Variants in CYP4A11 observed in about 807,000 individuals in gnomAD.
The protein encoded by CYP4A11 is cytochrome P450 4A11.
In CYP4A11, 52 loss-of-function variants were observed where a neutral mutation model predicts 57.7. The observed-to-expected ratio is 0.90, with a 90% confidence interval of 0.72 to 1.14. The LOEUF is 1.14. Among genes scored for constraint, CYP4A11 ranks in the 50% most tolerant of loss-of-function variants. CYP4A11 has a pLI of 0.00. For missense variants in CYP4A11, 641 were observed against 642.1 expected, an observed-to-expected ratio of 1.00 and a Z score of 0.02; for synonymous variants, 228 against 247.1, an observed-to-expected ratio of 0.92 and a Z score of 0.72.
intron 4 of CYP4A11, 122 bp from the exon 5 acceptor site, chr1:46,935,769 G>T: frequency 6.6e-7 from 1 of 1,523,082 alleles, no homozygotes; most frequent in Non-Finnish European, 8.8e-7. Flanking sequence ...TATCTTGGTT[G>T]GGATTCCTCA....
chr1:46,938,408 C>T (rs1299887463), intron 1 of CYP4A11, among the ~76,000 whole-genome samples: 2 of 152,162 alleles, frequency 1.3e-5, no homozygotes, highest in Non-Finnish European at 1.5e-5. Flanking sequence ...ATAAATACAA[C>T]AATTTCCATG....
chr1:46,940,730 C>G, intron 1 of CYP4A11: 2 of 985,424 alleles, frequency 2.0e-6, no homozygotes, highest in Non-Finnish European at 1.2e-6. Flanking sequence ...CAGATATCCA[C>G]CCCAGCAGAG....
Position 46,941,372 on chromosome 1 carries a change from G to A in CYP4A11, c.62C>T (p.Ala21Val), listed in dbSNP as rs143389976. Residue 21 changes from alanine to valine, a missense_variant, in exon 1 of 12, where the codon GCG (alanine) becomes GTG (valine). By Grantham distance (64) the Ala-to-Val change is moderately conservative. Coordinates refer to ENST00000310638, the MANE Select transcript of CYP4A11 (RefSeq NM_000778.4). ...CAGAAGCAGAATGAGCAGGGAGGCC[G>A]CTTGGAGGATTCCAGAGACATCACC... ...LLGDVSGILQAASLLILLLLL... is the reference protein window; with the variant it reads ...LLGDVSGILQVASLLILLLLL... The A allele has an allele frequency of 4.2e-5, 67 of 1,613,278 alleles. 3 individuals are homozygous for A. The highest frequency in any genetic ancestry group is 3.4e-4 in the East Asian group (15 of 43,968).
intron 9 of CYP4A11, among the ~76,000 whole-genome samples, chr1:46,933,376 G>C (rs1470924535): frequency 6.6e-6 from 1 of 152,140 alleles, no homozygotes; most frequent in African/African-American, 2.4e-5. Flanking sequence ...GTACAACAAC[G>C]CTCCAAGTAA....
chr1:46,933,812 C>G (rs991578685), intron 9 of CYP4A11, 134 bp downstream of exon 9: 1 of 1,394,602 alleles, frequency 7.2e-7, no homozygotes, highest in Non-Finnish European at 9.6e-7. Flanking sequence ...ATCCCAAGTA[C>G]AAAGTATGTT....
intron 11 of CYP4A11, chr1:46,931,741 G>A (rs1363784245): frequency 6.1e-6 from 4 of 657,602 alleles, no homozygotes; most frequent in Middle Eastern, 7.6e-4. Context: ...CTTAAAGCCT[G>A]TTCTGTGTAA....
chr1:46,935,776 C>T (rs34497654), intron 4 of CYP4A11, 129 bp from the exon 5 acceptor site: 13 of 1,521,196 alleles, frequency 8.5e-6, no homozygotes, highest in Admixed American at 4.1e-5. Flanking sequence ...GTTGGGATTC[C>T]TCACTTTACA....
rs140272422 is a variant in CYP4A11 at position 46,935,041 on chromosome 1, C to A, written c.749G>T (p.Arg250Leu). The A allele has an allele frequency of 1.3e-4, 204 of 1,614,104 alleles. No individual in the cohort carries two copies. The African/African-American group carries it at 2.5e-3, about 20-fold the overall frequency. The change falls in exon 6 of 12, where the codon CGC (arginine) becomes CTC (leucine). Residue 250 changes from arginine to leucine, a missense_variant. By Grantham distance (102) the Arg-to-Leu change is moderately radical. Coordinates refer to ENST00000310638, the MANE Select transcript of CYP4A11 (RefSeq NM_000778.4). ...DTIYSLTSAG[R>L]WTHRACQLAH... is the part of the protein sequence containing the mutation. ...CAGCTGGCAGGCGCGGTGTGTCCAG[C>A]GGCCAGCAGAGGTCAGGCTGTAGAT...
Position 46,938,118 on chromosome 1 carries a change from A to T in CYP4A11, c.215T>A (p.Leu72Gln). The T allele has an allele frequency of 6.2e-7, 1 of 1,614,224 alleles. No individual in the cohort carries two copies. Among genetic ancestry groups the T allele is most frequent in the Non-Finnish European group, 8.5e-7 (1 of 1,180,048 alleles). The change falls in exon 2 of 12, where the codon CTA becomes CAA. Residue 72 changes from leucine to glutamine, a missense_variant. By Grantham distance (113) the Leu-to-Gln change is moderately radical. Transcript: ENST00000310638. ...HIQELQQDQE[L>Q]QRIQKWVETF... ...CTCCACCCATTTCTGAATCCGTTGT[A>T]GCTCCTGGTCCTGTTGGAGCTGTCA... is the stretch of plus-strand genomic sequence containing the variant.
chr1:46,937,258 A>G (rs12140593), intron 3 of CYP4A11, 44 bp downstream of exon 3: 2 of 1,604,380 alleles, frequency 1.2e-6, no homozygotes, highest in African/African-American at 2.7e-5. Context: ...AAATAACTCA[A>G]ACCTGACTAG....
chr1:46,930,392 C>T (rs1680947339), intron 11 of CYP4A11, 82 bp from the exon 12 acceptor site: 9 of 1,492,690 alleles, frequency 6.0e-6, no homozygotes, highest in Non-Finnish European at 7.2e-6. Flanking sequence ...CTGACCCCAG[C>T]CCTGAGCTGG....
At chr1:46,940,060 C>G (rs978177129) in intron 1 of CYP4A11, among the ~76,000 whole-genome samples, 1 of 151,828 alleles carries the variant, frequency 6.6e-6, no homozygotes, top group Non-Finnish European at 1.5e-5. Flanking sequence ...AGCCGTTTAC[C>G]TGCTCTGTTC....
Position 46,934,156 on chromosome 1 carries a change from T to A in CYP4A11, c.1088+20A>T, listed in dbSNP as rs1376459291. 6.2e-7 allele frequency: 1 copy of A among 1,612,352 alleles called. No individual in the cohort carries two copies. The highest frequency in any genetic ancestry group is 1.1e-5 in the South Asian group (1 of 90,924). On this transcript the variant is annotated intron_variant, in intron 8 of 11. Coordinates refer to ENST00000310638, the MANE Select transcript of CYP4A11 (RefSeq NM_000778.4). ...CCTGTGGAGAAGGCAGGGAACCCCA[T>A]CTTTTGAGCCCTCACTCACCAGGTG...
intron 11 of CYP4A11, chr1:46,932,391 T>C (rs1444479163): frequency 5.3e-6 from 6 of 1,122,774 alleles, no homozygotes; most frequent in Non-Finnish European, 6.6e-6. Flanking sequence ...TACAGTTTAC[T>C]ATTCCTGACA....
intron 11 of CYP4A11, chr1:46,932,032 T>C: frequency 1.0e-6 from 1 of 984,730 alleles, no homozygotes; most frequent in Non-Finnish European, 1.2e-6. Context: ...TTTTATGTTT[T>C]TGGCCAATAT....
chr1:46,937,163 T>C, intron 3 of CYP4A11, 139 bp downstream of exon 3: 1 of 1,068,514 alleles, frequency 9.4e-7, no homozygotes, highest in East Asian at 2.5e-5. Flanking sequence ...GTGAGGGTCT[T>C]GTTAGAAGAA....
chr1:46,936,320 C>T (rs1681384775), intron 4 of CYP4A11, among the ~76,000 whole-genome samples: 1 of 152,246 alleles, frequency 6.6e-6, no homozygotes, highest in Non-Finnish European at 1.5e-5. Flanking sequence ...CTGAAGCTGC[C>T]ATTGCCCAGG....
In CYP4A11 at chr1:46,933,942, A is replaced by C. The variant is rs773912731; in HGVS notation, c.1222+4T>G. 12 of 1,614,134 alleles carry C rather than the reference A, an allele frequency of 7.4e-6. No homozygotes were observed. The highest frequency in any genetic ancestry group is 1.0e-5 in the Non-Finnish European group (12 of 1,180,008). On this transcript the variant is annotated splice_donor_region_variant and intron_variant, in intron 9 of 11. Coordinates refer to ENST00000310638, the MANE Select transcript of CYP4A11 (RefSeq NM_000778.4). The stretch of plus-strand genomic sequence containing the variant: ...TTAGGTGAGAGGGTGGGGGAACTTC[A>C]TACCTTTGGGCAAGGAGCGCCCATC...
chr1:46,930,211 G>C lies in CYP4A11; in HGVS notation c.1464C>G (p.Pro488=), dbSNP rs1680930663. 1 of 1,614,026 alleles carries C rather than the reference G, an allele frequency of 6.2e-7. No homozygotes were observed. Among genetic ancestry groups the C allele is most frequent in the South Asian group, 1.1e-5 (1 of 91,086 alleles). ...FELLPDPTRI[P]IPIARLVLKS... Reference sequence around the variant, plus strand: ...TCAACACAAGTCGTGCAATGGGGATGGGGATCCTGGTGGGATCAGGCAGCA... The same window carrying C: ...TCAACACAAGTCGTGCAATGGGGATCGGGATCCTGGTGGGATCAGGCAGCA... Residue 488 remains proline, a synonymous_variant, in exon 12 of 12, where the codon CCC becomes CCG. Coordinates refer to ENST00000310638, the MANE Select transcript of CYP4A11 (RefSeq NM_000778.4).
Sources: allele counts gnomAD v4.1 joint callset (sites outside exome capture counted in the v4.1 genomes callset), GRCh38; gene constraint gnomAD v4.1.1; transcripts MANE v1.5; gene names NCBI Gene and HGNC (gene_info 2026-07-23, HGNC 2026-07-21).